Variants in EEF2 observed in about 807,000 individuals in gnomAD.
EEF2 encodes eukaryotic translation elongation factor 2.
Under a neutral mutation model 85.3 loss-of-function variants are expected in EEF2, and 21 were observed. The observed-to-expected ratio is 0.25, with a 90% CI of 0.17 to 0.35. The LOEUF (loss-of-function observed/expected upper bound fraction) is 0.35. Ranked by LOEUF, EEF2 falls within the 10% of genes least tolerant of loss-of-function variation. EEF2 has a pLI of 1.00. For synonymous variants in EEF2, 723 were observed against 508.8 expected, an observed-to-expected ratio of 1.42 and a Z score of -5.67; for missense variants, 825 against 1,225.3, an observed-to-expected ratio of 0.67 and a Z score of 4.88.
At position 3,984,061 on chromosome 19, in the gene EEF2, G is replaced by A. The variant is rs542809678; in HGVS notation, c.218+75C>T. On this transcript the variant is annotated intron_variant, in intron 2 of 14. Coordinates refer to ENST00000309311, the MANE Select transcript of EEF2 (RefSeq NM_001961.4). ...GAGACGTTGCCAAGTCTCTCCCCGC[G>A]CACCCTGGCCCAGTGGCCTCCAGCT... 135 of 1,526,066 alleles carry A rather than the reference G, an allele frequency of 8.8e-5. 1 individual carries two copies. Among genetic ancestry groups the A allele is most frequent in the Middle Eastern group, 6.8e-4 (3 of 4,434 alleles). 94.5% of individuals were successfully genotyped at this position (1,526,066 alleles called of 1,614,324 possible).
Position 3,985,434 on chromosome 19 carries a change from C to A in EEF2, c.-54G>T. ...GTAGAACCGAAAGAAGCGAGTCGCG[C>A]CGAGGATGGCGGCGACGACGGCGGA... On this transcript the variant is annotated 5_prime_UTR_variant, in exon 1 of 15. Transcript: ENST00000309311. 6.2e-6 allele frequency: 9 copies of A among 1,456,736 alleles called. No homozygotes were observed. The highest frequency in any genetic ancestry group is 1.8e-4 in the Middle Eastern group (1 of 5,530). 90.2% of individuals were successfully genotyped at this position (1,456,736 alleles called of 1,614,324 possible). A position where few individuals can be genotyped will look rare whatever the true frequency, so the allele number is the denominator to read the frequency against.
In EEF2 at chr19:3,976,092, A is replaced by C. The variant is rs1044176886; in HGVS notation, c.*462T>G. The C allele has an allele frequency of 3.3e-5, 6 of 179,370 alleles. No homozygotes were observed. The South Asian group carries it at 6.2e-4, about 19-fold the overall frequency. 11.1% of individuals were successfully genotyped at this position (179,370 alleles called of 1,614,324 possible). ...TCAAATTTATTATTCCAATGGCACT[A>C]GTACAGCTGGAGGTGCTCATGGTGA... On this transcript the variant is annotated 3_prime_UTR_variant, in exon 15 of 15. Coordinates refer to ENST00000309311, the MANE Select transcript of EEF2 (RefSeq NM_001961.4).
chr19:3,983,526 T>TC (rs2039781245), intron 2 of EEF2, among the ~76,000 whole-genome samples: 1 of 151,894 alleles, frequency 6.6e-6, no homozygotes, highest in Non-Finnish European at 1.5e-5. Context: ...TGACCAGACA[T>TC]CCTGCCCCAC....
chr19:3,981,591 C>T lies in EEF2; in HGVS notation c.898-139G>A, dbSNP rs148266029. On this transcript the variant is annotated intron_variant, in intron 6 of 14. Coordinates refer to ENST00000309311, the MANE Select transcript of EEF2 (RefSeq NM_001961.4). Reference sequence around the variant, plus strand: ...AGGAGCAGGCCTGGCCTGCCTACCACGGGCCCAGCCAGCTGAGCGGATCGG... The same window carrying T: ...AGGAGCAGGCCTGGCCTGCCTACCATGGGCCCAGCCAGCTGAGCGGATCGG... The T allele has an allele frequency of 8.8e-4, 703 of 798,972 alleles. 7 individuals are homozygous for T. The East Asian group carries it at 0.015, about 17-fold the overall frequency. The allele number at this position is 798,972 out of a possible 1,614,324, so 49.5% of individuals were successfully genotyped here.
chr19:3,978,606 C>G (rs2039705608), intron 11 of EEF2, among the ~76,000 whole-genome samples: 1 of 150,894 alleles, frequency 6.6e-6, no homozygotes, highest in Non-Finnish European at 1.5e-5. Flanking sequence ...GAGATCCAGA[C>G]CATCCTGGCT....
At chr19:3,984,947 G>C (rs1045458538) in intron 1 of EEF2, 1 of 200,626 alleles carries the variant, frequency 5.0e-6, no homozygotes, top group Non-Finnish European at 9.9e-6. Flanking sequence ...GGAAGGAAAA[G>C]GGGAGCCTTT....
At chr19:3,984,029 G>A (rs1599198565) in intron 2 of EEF2, 107 bp downstream of exon 2, 22 of 1,192,850 alleles carry the variant, frequency 1.8e-5, no homozygotes, top group African/African-American at 1.5e-4. Context: ...TAAGAAACCA[G>A]GGGAAAGAGA....
Position 3,977,767 on chromosome 19 carries a change from C to T in EEF2, c.2067+52G>A. ...TCTCGGGAGGCAGGACCATGAGGTC[C>T]CTCTAGAGCCTGGAAACGGGTGTGG... On this transcript the variant is annotated intron_variant, in intron 12 of 14. Transcript: ENST00000309311. This position sits in a 1 kb window ranked among gnomAD's most constrained non-coding sequence, Gnocchi z 5.4. 1 of 1,510,832 alleles carries T rather than the reference C, an allele frequency of 6.6e-7. No homozygotes were observed. The highest frequency in any genetic ancestry group is 8.9e-7 in the Non-Finnish European group (1 of 1,129,792). 93.6% of individuals were successfully genotyped at this position (1,510,832 alleles called of 1,614,324 possible). A position where few individuals can be genotyped will look rare whatever the true frequency, so the allele number is the denominator to read the frequency against.
chr19:3,980,419 CCTT>C, intron 9 of EEF2, 92 bp downstream of exon 9: 1 of 1,432,554 alleles, frequency 7.0e-7, no homozygotes, highest in Non-Finnish European at 9.4e-7. Flanking sequence ...CTTCTATGCT[CCTT>C]ACTTCTAGCT....
intron 2 of EEF2, 115 bp from the exon 3 acceptor site, chr19:3,983,406 C>A: frequency 4.2e-6 from 5 of 1,181,010 alleles, no homozygotes; most frequent in African/African-American, 1.6e-5. Context: ...CCTGGAGAGG[C>A]TCCCACAAGA....
chr19:3,985,402 C>A lies in EEF2; in HGVS notation c.-22G>T. 1 of 1,502,604 alleles carries A rather than the reference C, an allele frequency of 6.7e-7. No homozygotes were observed. Among genetic ancestry groups the A allele is most frequent in the Non-Finnish European group, 8.9e-7 (1 of 1,121,608 alleles). 93.1% of individuals were successfully genotyped at this position (1,502,604 alleles called of 1,614,324 possible). A position where few individuals can be genotyped will look rare whatever the true frequency, so the allele number is the denominator to read the frequency against. ...CCATGGTGGCGGATGGCGGTGGATT[C>A]TCCCAGGTAGAACCGAAAGAAGCGA... On this transcript the variant is annotated 5_prime_UTR_variant, in exon 1 of 15. Transcript: ENST00000309311.
At position 3,982,345 on chromosome 19, in the gene EEF2, A is replaced by T. The variant is rs1361469834; in HGVS notation, c.692T>A (p.Met231Lys). 24 of 1,613,972 alleles carry T rather than the reference A, an allele frequency of 1.5e-5. No homozygotes were observed. The highest frequency in any genetic ancestry group is 1.9e-5 in the Non-Finnish European group (22 of 1,179,986). Residue 231 changes from methionine (M) to lysine (K), a missense_variant, in exon 5 of 15, where the codon ATG becomes AAG. By Grantham distance (95) the Met-to-Lys change is moderately conservative (BLOSUM62 -1). Transcript: ENST00000309311. ...CTTGGCGGCGAACTTGGCCACATAC[A>T]TCTCGGCAAACTGCTTCAGGGTGAA... ...WAFTLKQFAEMYVAKFAAKGE... is the reference protein window; with the variant it reads ...WAFTLKQFAEKYVAKFAAKGE...
chr19:3,978,868 T>C (rs1237658303), intron 11 of EEF2, among the ~76,000 whole-genome samples: 2 of 129,672 alleles, frequency 1.5e-5, no homozygotes, highest in Non-Finnish European at 3.2e-5. Context: ...ACACCTGTAA[T>C]CCCAGCACTT....
intron 11 of EEF2, 63 bp downstream of exon 11, chr19:3,979,266 C>T (rs752788751): frequency 3.7e-6 from 5 of 1,368,028 alleles, no homozygotes; most frequent in Non-Finnish European, 5.2e-6. Context: ...CTCAGCTCAG[C>T]TTTAAAGCAG....
At chr19:3,979,746 C>A in intron 10 of EEF2, 62 bp downstream of exon 10, 1 of 1,573,574 alleles carries the variant, frequency 6.4e-7, no homozygotes. Context: ...ACAGCCACAA[C>A]TCAGGACACA....
At position 3,982,438 on chromosome 19, in the gene EEF2, A is replaced by G; in HGVS notation, c.613-14T>C. 6.2e-7 allele frequency: 1 copy of G among 1,613,886 alleles called. No individual in the cohort carries two copies. Among genetic ancestry groups the G allele is most frequent in the Non-Finnish European group, 8.5e-7 (1 of 1,180,038 alleles). ...GACAGGATCGATCTGGAAGTGTGAG[A>G]AACGAGAAGCAGCCGTGAGGGCCCC... On this transcript the variant is annotated splice_polypyrimidine_tract_variant and intron_variant, in intron 4 of 14. Coordinates refer to ENST00000309311, the MANE Select transcript of EEF2 (RefSeq NM_001961.4).
At chr19:3,985,310 C>T in intron 1 of EEF2, 68 bp downstream of exon 1, 1 of 1,371,782 alleles carries the variant, frequency 7.3e-7, no homozygotes, top group Non-Finnish European at 9.5e-7. Flanking sequence ...GCGTCCCAGG[C>T]TAGGCAGCGT....
At chr19:3,981,880 G>A in intron 6 of EEF2, 67 bp downstream of exon 6, 15 of 1,474,488 alleles carry the variant, frequency 1.0e-5, no homozygotes, top group Non-Finnish European at 1.3e-5. Flanking sequence ...CAGGCTACCG[G>A]CCGGAGCCCA....
At chr19:3,983,524 C>T (rs1185975172) in intron 2 of EEF2, among the ~76,000 whole-genome samples, 1 of 152,138 alleles carries the variant, frequency 6.6e-6, no homozygotes, top group Admixed American at 6.5e-5. Flanking sequence ...CCTGACCAGA[C>T]ATCCTGCCCC....
Sources: allele counts gnomAD v4.1 joint callset (sites outside exome capture counted in the v4.1 genomes callset), GRCh38; gene constraint gnomAD v4.1.1; non-coding constraint Gnocchi (gnomAD v3.1); transcripts MANE v1.5; gene names NCBI Gene and HGNC (gene_info 2026-07-23, HGNC 2026-07-21).